ADAMTSL1: variants seen among roughly 807,000 people sequenced by gnomAD.
The protein encoded by ADAMTSL1 is ADAMTS like 1, also known as ADAMTS-like protein 1.
In ADAMTSL1, 126 loss-of-function variants were observed where a neutral mutation model predicts 201.8. That is an observed-to-expected ratio of 0.62 (90% CI 0.54 to 0.72). ADAMTSL1 has a LOEUF of 0.72. ADAMTSL1 is among the 30% of genes least tolerant of loss of function. ADAMTSL1 has a pLI of 0.00. For missense variants in ADAMTSL1, 2,679 were observed against 2,277.8 expected, an observed-to-expected ratio of 1.18 and a Z score of -3.59; for synonymous variants, 1,121 against 903.4, an observed-to-expected ratio of 1.24 and a Z score of -4.32.
At chr9:18,667,752 T>C (rs1829543759) in intron 9 of ADAMTSL1, among the ~76,000 whole-genome samples, 1 of 152,192 alleles carries the variant, frequency 6.6e-6, no homozygotes, top group Admixed American at 6.6e-5. Flanking sequence ...AGAAATCAGC[T>C]TTCTCATCCA....
At chr9:18,003,172 A>G (rs1269362208) in intron 1 of ADAMTSL1, among the ~76,000 whole-genome samples, 3 of 152,040 alleles carry the variant, frequency 2.0e-5, no homozygotes, top group Non-Finnish European at 4.4e-5. Context: ...ACTAGCTTCC[A>G]GGCTCATCCT....
At chr9:18,071,854 G>C (rs1227078826) in intron 1 of ADAMTSL1, among the ~76,000 whole-genome samples, 2 of 152,198 alleles carry the variant, frequency 1.3e-5, no homozygotes, top group Admixed American at 1.3e-4. Flanking sequence ...ATATTGTGAA[G>C]GGTGCTGAAT....
At chr9:18,025,069 T>A (rs1820636753) in intron 1 of ADAMTSL1, among the ~76,000 whole-genome samples, 1 of 152,000 alleles carries the variant, frequency 6.6e-6, no homozygotes, top group South Asian at 2.1e-4. Flanking sequence ...TGTCTTCTTT[T>A]AAGAAGTGTT....
intron 4 of ADAMTSL1, among the ~76,000 whole-genome samples, chr9:18,577,425 G>T (rs557468842): frequency 9.2e-5 from 14 of 152,318 alleles, no homozygotes; most frequent in African/African-American, 3.1e-4. Flanking sequence ...GGCAGAGGTT[G>T]CAGTGAGCCG....
chr9:17,979,102 A>T (rs1276957920), intron 1 of ADAMTSL1, among the ~76,000 whole-genome samples: 1 of 151,982 alleles, frequency 6.6e-6, no homozygotes, highest in Non-Finnish European at 1.5e-5. Context: ...GCTTTAAAAA[A>T]TTTCCCTCCG....
At chr9:18,457,500 T>G (rs1393620595) in intron 2 of ADAMTSL1, among the ~76,000 whole-genome samples, 1 of 152,112 alleles carries the variant, frequency 6.6e-6, no homozygotes, top group Admixed American at 6.5e-5. Context: ...CCATGCCTTT[T>G]TTTTCTTAGT....
At chr9:18,359,815 A>ACC (rs1563911410) in intron 2 of ADAMTSL1, among the ~76,000 whole-genome samples, 15 of 46,876 alleles carry the variant, frequency 3.2e-4, no homozygotes, top group Admixed American at 8.8e-4. Context: ...TTAATGCCCC[A>ACC]CCTCCCCACC....
intron 2 of ADAMTSL1, among the ~76,000 whole-genome samples, chr9:18,330,176 G>T (rs1234866309): frequency 6.6e-6 from 1 of 152,130 alleles, no homozygotes; most frequent in Non-Finnish European, 1.5e-5. Flanking sequence ...GAGCTATCTT[G>T]CAAGGTAGTT....
intron 2 of ADAMTSL1, among the ~76,000 whole-genome samples, chr9:18,425,248 G>C (rs543577267): frequency 1.3e-5 from 2 of 149,410 alleles, no homozygotes; most frequent in South Asian, 4.2e-4. Context: ...TCCCAATCTC[G>C]TGTTCTCACC....
chr9:18,071,737 T>C (rs1226377911), intron 1 of ADAMTSL1, among the ~76,000 whole-genome samples: 1 of 152,200 alleles, frequency 6.6e-6, no homozygotes, highest in Non-Finnish European at 1.5e-5. Flanking sequence ...AGGAGATAAG[T>C]GCTGAAGCAC....
At chr9:18,846,475 G>T (rs1018827545) in intron 23 of ADAMTSL1, among the ~76,000 whole-genome samples, 1 of 152,180 alleles carries the variant, frequency 6.6e-6, no homozygotes, top group Non-Finnish European at 1.5e-5. Flanking sequence ...TTGGTCAGAG[G>T]TAAGGGGGAG....
intron 4 of ADAMTSL1, among the ~76,000 whole-genome samples, chr9:18,616,401 C>T (rs553005903): frequency 6.6e-6 from 1 of 152,314 alleles, no homozygotes; most frequent in East Asian, 1.9e-4. Flanking sequence ...TTTGAAACTG[C>T]TTGTATGTAT....
intron 26 of ADAMTSL1, among the ~76,000 whole-genome samples, chr9:18,900,843 C>T (rs1487805951): frequency 6.6e-6 from 1 of 152,002 alleles, no homozygotes; most frequent in African/African-American, 2.4e-5. Context: ...GGCTTGATAC[C>T]CAGCTGATGG....
chr9:18,602,898 A>C (rs1172151206), intron 4 of ADAMTSL1, among the ~76,000 whole-genome samples: 1 of 152,138 alleles, frequency 6.6e-6, no homozygotes, highest in Non-Finnish European at 1.5e-5. Flanking sequence ...TGTGTGGGTG[A>C]GTTTTCTCTG....
chr9:18,161,814 C>T (rs959796171), intron 1 of ADAMTSL1, among the ~76,000 whole-genome samples: 6 of 151,970 alleles, frequency 3.9e-5, no homozygotes, highest in East Asian at 1.9e-4. Context: ...TAATTTTAAA[C>T]GTAGCAGGAG....
intron 9 of ADAMTSL1, 104 bp from the exon 10 acceptor site, chr9:18,675,753 G>C: frequency 3.0e-6 from 3 of 986,198 alleles, no homozygotes; most frequent in Non-Finnish European, 4.7e-6. Flanking sequence ...ATTTATTAAT[G>C]TTATTTTGCA....
intron 2 of ADAMTSL1, among the ~76,000 whole-genome samples, chr9:18,314,858 G>T (rs547467779): frequency 7.4e-6 from 1 of 135,350 alleles, no homozygotes; most frequent in Non-Finnish European, 1.5e-5. Context: ...GTGCAGTGGC[G>T]CGATCTCGGC....
intron 8 of ADAMTSL1, among the ~76,000 whole-genome samples, chr9:18,658,054 A>T (rs1205179902): frequency 6.7e-6 from 1 of 149,636 alleles, no homozygotes; most frequent in East Asian, 2.0e-4. Flanking sequence ...GGCTCGCTGC[A>T]AGCTCCGCCT....
At chr9:18,622,117 C>G in intron 4 of ADAMTSL1, 126 bp from the exon 5 acceptor site, 1 of 1,241,162 alleles carries the variant, frequency 8.1e-7, no homozygotes, top group Non-Finnish European at 1.1e-6. Context: ...AATTCAGTCC[C>G]CTTCACGGGG....
Sources: gnomAD v4.1 joint callset for allele counts (sites outside exome capture counted in the v4.1 genomes callset) on GRCh38, gnomAD v4.1.1 for gene constraint, MANE v1.5 for transcripts, NCBI Gene and HGNC (gene_info 2026-07-23, HGNC 2026-07-21) for gene names.